Variants in SERPINB5 observed in about 807,000 individuals in gnomAD.
The protein encoded by SERPINB5 is serpin B5.
In SERPINB5, 27 loss-of-function variants were observed where a neutral mutation model predicts 32.2. The ratio of observed to expected loss-of-function variants is 0.84; its 90% CI spans 0.62 to 1.16. The LOEUF (loss-of-function observed/expected upper bound fraction) is 1.16. Ranked by LOEUF, SERPINB5 falls within the 50% of genes most tolerant of loss-of-function variation. The pLI, the probability that SERPINB5 is intolerant of heterozygous loss-of-function variation, is 0.00. For missense variants in SERPINB5, 388 were observed against 436.3 expected, an observed-to-expected ratio of 0.89 and a Z score of 0.99; for synonymous variants, 154 against 157.4, an observed-to-expected ratio of 0.98 and a Z score of 0.16.
intron 2 of SERPINB5, chr18:63,486,155 T>C (rs1362628444): frequency 6.6e-6 from 1 of 152,208 alleles, no homozygotes; most frequent in Non-Finnish European, 1.5e-5. Flanking sequence ...TAATCCTCAT[T>C]AACAACTCAG....
Position 63,499,796 on chromosome 18 carries a change from C to T in SERPINB5, c.735+509C>T, listed in dbSNP as rs181506332. ...CATGTGACCTGATGTCAAGCATCCT[C>T]TCTCTTGCTCTTTCTTTTTTTTTAA... On this transcript the variant is annotated intron_variant, in intron 6 of 6. Transcript: ENST00000382771. 5.1e-3 allele frequency among the ~76,000 whole-genome samples: 775 copies of T among 151,028 alleles called. 2 individuals are homozygous for T. Among genetic ancestry groups the T allele is most frequent in the Non-Finnish European group, 8.7e-3 (594 of 68,026 alleles).
chr18:63,485,403 C>T (rs533063614), intron 2 of SERPINB5, among the ~76,000 whole-genome samples: 2 of 152,148 alleles, frequency 1.3e-5, no homozygotes, highest in Non-Finnish European at 2.9e-5. Context: ...AATAGAATTT[C>T]TTTTCTATTA....
intron 1 of SERPINB5, among the ~76,000 whole-genome samples, chr18:63,483,225 A>G (rs1026798594): frequency 6.6e-6 from 1 of 152,054 alleles, no homozygotes; most frequent in African/African-American, 2.4e-5. Flanking sequence ...TAACTCCCAT[A>G]TTACTTATTA....
chr18:63,480,080 C>T (rs7232067), intron 1 of SERPINB5, among the ~76,000 whole-genome samples: 53,790 of 151,896 alleles, frequency 0.35, 10,688 homozygotes, highest in Non-Finnish European at 0.46. Context: ...TCACTCCCTG[C>T]GTGGGTGGCC....
chr18:63,500,281 CT>C (rs1013338674), intron 6 of SERPINB5, among the ~76,000 whole-genome samples: 9 of 148,196 alleles, frequency 6.1e-5, no homozygotes, highest in African/African-American at 2.3e-4. Context: ...CCAGGCTGGT[CT>C]TGAAATCCTG....
In SERPINB5 at chr18:63,484,741, C is replaced by CTTTTTTTTTTTTTTT. The variant is rs869236018; in HGVS notation, c.168+153_168+167dup. The CTTTTTTTTTTTTTTT allele has an allele frequency of 4.2e-3, 451 of 108,178 alleles. 75 individuals are homozygous for CTTTTTTTTTTTTTTT. Among genetic ancestry groups the CTTTTTTTTTTTTTTT allele is most frequent in the Non-Finnish European group, 5.6e-3 (331 of 59,304 alleles). The allele number at this position is 108,178 out of a possible 1,614,324, so 6.7% of individuals were successfully genotyped here. On this transcript the variant is annotated intron_variant, in intron 2 of 6. Coordinates refer to ENST00000382771, the MANE Select transcript of SERPINB5 (RefSeq NM_002639.5). ...TGTGCCATTCCAGGACTCTCTTAAT[C>CTTTTTTTTTTTTTTT]TTTTTTTTTTTTTTTTTTTTTTGTG...
chr18:63,479,909 G>A (rs1025855190), intron 1 of SERPINB5, among the ~76,000 whole-genome samples: 6 of 152,188 alleles, frequency 3.9e-5, no homozygotes, highest in African/African-American at 1.4e-4. Context: ...ATCTTCAAGG[G>A]GAGACTTCAG....
rs1217370746 is a variant in SERPINB5 at position 63,498,899 on chromosome 18, G to A, written c.568-221G>A. Among the ~76,000 whole-genome samples, 1 of 150,364 alleles carries A rather than the reference G, an allele frequency of 6.7e-6. No homozygotes were observed. Among genetic ancestry groups the A allele is most frequent in the East Asian group, 1.9e-4 (1 of 5,156 alleles). On this transcript the variant is annotated intron_variant, in intron 5 of 6. Coordinates refer to ENST00000382771, the MANE Select transcript of SERPINB5 (RefSeq NM_002639.5). The surrounding 1 kb of genome is among the most constrained non-coding windows in gnomAD (Gnocchi z 4.2). ...TGTGTATATGTATATGTATGTATAT[G>A]TATGTATGCATATATATGTATATGT... is the stretch of plus-strand genomic sequence containing the variant.
chr18:63,500,391 T>C (rs1424170034), intron 6 of SERPINB5, among the ~76,000 whole-genome samples: 1 of 152,178 alleles, frequency 6.6e-6, no homozygotes, highest in Admixed American at 6.5e-5. Context: ...GTTCACTCTT[T>C]GTGTTGTACA....
chr18:63,484,712 G>A, intron 2 of SERPINB5, 116 bp downstream of exon 2: 2 of 432,078 alleles, frequency 4.6e-6, no homozygotes, highest in Non-Finnish European at 4.1e-6. Context: ...TCAAGATTCA[G>A]AACTGTGCCA....
intron 1 of SERPINB5, among the ~76,000 whole-genome samples, chr18:63,477,847 A>G (rs1917060011): frequency 6.6e-6 from 1 of 152,192 alleles, no homozygotes; most frequent in African/African-American, 2.4e-5. Context: ...GACATATTTC[A>G]GCCCAGCCCC....
chr18:63,491,409 A>ACCC (rs1413026726), intron 4 of SERPINB5, among the ~76,000 whole-genome samples: 31 of 140,652 alleles, frequency 2.2e-4, no homozygotes, highest in Non-Finnish European at 3.5e-4. Flanking sequence ...TCTCCCAAAA[A>ACCC]AAAAAAAAAA....
At chr18:63,485,187 CTCA>C (rs1433844278) in intron 2 of SERPINB5, among the ~76,000 whole-genome samples, 7 of 151,972 alleles carry the variant, frequency 4.6e-5, no homozygotes, top group South Asian at 2.1e-4. Flanking sequence ...GAGATGTAAC[CTCA>C]TCATAAATCA....
chr18:63,484,470 T>C lies in SERPINB5; in HGVS notation c.42T>C (p.Asp14=), dbSNP rs141915869. Residue 14 remains aspartate (D), a synonymous_variant, in exon 2 of 7, where the codon GAT becomes GAC. Coordinates refer to ENST00000382771, the MANE Select transcript of SERPINB5 (RefSeq NM_002639.5). ...LQLANSAFAV[D]LFKQLCEKEP... ...TAGCAAATTCGGCTTTTGCCGTTGA[T>C]CTGTTCAAACAACTATGTGAAAAGG... The C allele has an allele frequency of 6.2e-7, 1 of 1,613,852 alleles. No homozygotes were observed. Among genetic ancestry groups the C allele is most frequent in the Non-Finnish European group, 8.5e-7 (1 of 1,179,906 alleles).
At chr18:63,491,496 A>G (rs540489797) in intron 4 of SERPINB5, among the ~76,000 whole-genome samples, 1 of 141,194 alleles carries the variant, frequency 7.1e-6, no homozygotes, top group Non-Finnish European at 1.5e-5. Flanking sequence ...TTTTTTTGAG[A>G]TAGAATGTTG....
chr18:63,500,068 C>T (rs1909540480), intron 6 of SERPINB5, among the ~76,000 whole-genome samples: 2 of 151,764 alleles, frequency 1.3e-5, no homozygotes, highest in African/African-American at 2.4e-5. Context: ...GGCTGGAGTG[C>T]AGTGGCATGA....
intron 3 of SERPINB5, among the ~76,000 whole-genome samples, chr18:63,487,586 T>C (rs1432134238): frequency 6.6e-6 from 1 of 152,238 alleles, no homozygotes; most frequent in African/African-American, 2.4e-5. Context: ...TTTTCATCAG[T>C]CACAAATTAG....
Position 63,484,580 on chromosome 18 carries a change from C to T in SERPINB5, c.152C>T (p.Ala51Val). 2 of 1,613,090 alleles carry T rather than the reference C, an allele frequency of 1.2e-6. No homozygotes were observed. The highest frequency in any genetic ancestry group is 1.7e-6 in the Non-Finnish European group (2 of 1,179,732). The change falls in exon 2 of 7, where the codon GCA becomes GTA. Residue 51 changes from alanine (A) to valine (V), a missense_variant. Ala to Val is a moderately conservative substitution (Grantham distance 64, BLOSUM62 0). Coordinates refer to ENST00000382771, the MANE Select transcript of SERPINB5 (RefSeq NM_002639.5). ...LAQVGAKGDT[A>V]NEIGQVLHFE... ...CAAGTGGGTGCTAAAGGTGACACTG[C>T]AAATGAAATTGGACAGGTAAGCCCC...
chr18:63,479,982 T>C (rs975718310), intron 1 of SERPINB5, among the ~76,000 whole-genome samples: 5 of 152,174 alleles, frequency 3.3e-5, no homozygotes, highest in African/African-American at 1.2e-4. Context: ...AAAGATGCAA[T>C]TAACAAGAAA....
Sources: gnomAD v4.1 joint callset for allele counts (sites outside exome capture counted in the v4.1 genomes callset) on GRCh38, gnomAD v4.1.1 for gene constraint, Gnocchi (gnomAD v3.1) non-coding constraint, MANE v1.5 for transcripts, NCBI Gene and HGNC (gene_info 2026-07-23, HGNC 2026-07-21) for gene names.